The following CNTNAP2 variants were observed in gnomAD, a reference collection of about 807,000 sequenced individuals.
CNTNAP2 encodes the protein contactin-associated protein-like 2.
In CNTNAP2, 98 loss-of-function variants were observed where a neutral mutation model predicts 155.2. The observed-to-expected ratio is 0.63, with a 90% CI of 0.54 to 0.75. The LOEUF is 0.75. Among genes scored for constraint, CNTNAP2 ranks in the 30% least tolerant of loss-of-function variants. The pLI, the probability that CNTNAP2 is intolerant of heterozygous loss-of-function variation, is 0.00. For missense variants in CNTNAP2, 1,727 were observed against 1,688.1 expected, an observed-to-expected ratio of 1.02 and a Z score of -0.40; for synonymous variants, 651 against 631.2, an observed-to-expected ratio of 1.03 and a Z score of -0.47.
At chr7:146,743,862 T>G (rs1801761866) in intron 1 of CNTNAP2, among the ~76,000 whole-genome samples, 1 of 152,162 alleles carries the variant, frequency 6.6e-6, no homozygotes, top group South Asian at 2.1e-4. Flanking sequence ...GTTTATTGCT[T>G]AAATTAGAGA....
intron 2 of CNTNAP2, among the ~76,000 whole-genome samples, chr7:146,798,392 A>G (rs543141661): frequency 6.6e-6 from 1 of 152,066 alleles, no homozygotes; most frequent in Non-Finnish European, 1.5e-5. Context: ...CCCAAGCTGG[A>G]GTGCAGTGGT....
At chr7:146,357,202 C>T (rs142328112) in intron 1 of CNTNAP2, among the ~76,000 whole-genome samples, 4 of 143,530 alleles carry the variant, frequency 2.8e-5, no homozygotes, top group African/African-American at 7.8e-5. Context: ...TTTCCCAAAG[C>T]GCTTGGCCCT....
At chr7:146,928,185 G>A (rs957557073) in intron 3 of CNTNAP2, among the ~76,000 whole-genome samples, 1 of 152,002 alleles carries the variant, frequency 6.6e-6, no homozygotes, top group Admixed American at 6.6e-5. Flanking sequence ...AAGTAAACAA[G>A]TGTCCAAAAG....
At chr7:148,028,504 A>G (rs1412031965) in intron 15 of CNTNAP2, among the ~76,000 whole-genome samples, 3 of 152,194 alleles carry the variant, frequency 2.0e-5, no homozygotes, top group Admixed American at 6.5e-5. Context: ...TGAGTCCGGG[A>G]GGTCAAGGCT....
chr7:147,517,425 A>C (rs550487726), intron 11 of CNTNAP2, among the ~76,000 whole-genome samples: 1 of 152,210 alleles, frequency 6.6e-6, no homozygotes, highest in Non-Finnish European at 1.5e-5. Flanking sequence ...ACTTGGAAAG[A>C]AACATCCGAA....
intron 21 of CNTNAP2, among the ~76,000 whole-genome samples, chr7:148,365,358 C>CA (rs1798717381): frequency 6.6e-6 from 1 of 152,098 alleles, no homozygotes; most frequent in Admixed American, 6.6e-5. Flanking sequence ...TTAATTCAGT[C>CA]AAAAAATAAT....
intron 4 of CNTNAP2, among the ~76,000 whole-genome samples, chr7:147,061,238 T>C (rs1388720838): frequency 6.6e-6 from 1 of 152,196 alleles, no homozygotes; most frequent in Non-Finnish European, 1.5e-5. Context: ...CATTGAACAC[T>C]TACAAATTTG....
chr7:147,568,853 G>A (rs140378239), intron 12 of CNTNAP2, among the ~76,000 whole-genome samples: 11 of 151,952 alleles, frequency 7.2e-5, no homozygotes, highest in African/African-American at 9.7e-5. Context: ...AATAATGCTC[G>A]ATCCAGCCAT....
At chr7:146,663,371 A>AT (rs971306474) in intron 1 of CNTNAP2, among the ~76,000 whole-genome samples, 1,614 of 147,814 alleles carry the variant, frequency 0.011, 17 homozygotes, top group African/African-American at 0.03. Flanking sequence ...TCACTTTCTC[A>AT]TTTTTTTTTT....
chr7:146,498,841 G>A (rs561667048), intron 1 of CNTNAP2, among the ~76,000 whole-genome samples: 4 of 152,210 alleles, frequency 2.6e-5, no homozygotes, highest in African/African-American at 9.6e-5. Context: ...ATTTCCAAAA[G>A]CATGGGTGCT....
intron 11 of CNTNAP2, among the ~76,000 whole-genome samples, chr7:147,529,635 GGGAATCAA>G (rs1390350934): frequency 6.6e-6 from 1 of 152,088 alleles, no homozygotes; most frequent in Non-Finnish European, 1.5e-5. Context: ...GCAGAGGCCA[GGGAATCAA>G]GGACGTTGAG....
intron 2 of CNTNAP2, among the ~76,000 whole-genome samples, chr7:146,783,204 T>C (rs1314460389): frequency 6.6e-6 from 1 of 152,178 alleles, no homozygotes; most frequent in African/African-American, 2.4e-5. Flanking sequence ...ATATATCTTA[T>C]AGAAACTAAC....
At chr7:146,470,067 C>G (rs1043149838) in intron 1 of CNTNAP2, among the ~76,000 whole-genome samples, 1 of 150,458 alleles carries the variant, frequency 6.6e-6, no homozygotes, top group African/African-American at 2.4e-5. Flanking sequence ...TCTCGATCTC[C>G]TGACCTCGTG....
intron 15 of CNTNAP2, among the ~76,000 whole-genome samples, chr7:148,081,369 T>A (rs1185814756): frequency 6.6e-6 from 1 of 152,028 alleles, no homozygotes; most frequent in East Asian, 1.9e-4. Context: ...AACATTTGAG[T>A]CCGTGGGCTG....
chr7:147,469,519 T>G (rs1434540687), intron 10 of CNTNAP2, among the ~76,000 whole-genome samples: 3 of 79,816 alleles, frequency 3.8e-5, no homozygotes, highest in African/African-American at 1.8e-4. Context: ...TTTTTTTTTT[T>G]TTTTTTTTTT....
chr7:146,316,932 C>T (rs1252920631), intron 1 of CNTNAP2, among the ~76,000 whole-genome samples: 1 of 149,694 alleles, frequency 6.7e-6, no homozygotes, highest in Non-Finnish European at 1.5e-5. Flanking sequence ...GGGCCTTGTT[C>T]AATGGGGATT....
chr7:147,358,984 T>C (rs1263311611), intron 9 of CNTNAP2, among the ~76,000 whole-genome samples: 3 of 152,178 alleles, frequency 2.0e-5, no homozygotes, highest in Non-Finnish European at 4.4e-5. Flanking sequence ...TTAAGACCAT[T>C]AGGCACATCT....
chr7:146,709,274 G>A lies in CNTNAP2; in HGVS notation c.98-64997G>A, dbSNP rs1213358462. Among the ~76,000 whole-genome samples the A allele has an allele frequency of 2.6e-5, 4 of 152,108 alleles. No homozygotes were observed. In the East Asian group the frequency reaches 7.7e-4, roughly 29 times the overall value. On this transcript the variant is annotated intron_variant, in intron 1 of 23. Coordinates refer to ENST00000361727, the MANE Select transcript of CNTNAP2 (RefSeq NM_014141.6). ...AACTCACTAGTAGCAGAACTGGGTCGTGTTTATGAACTTTTCTCTTCACTG... is the reference window on the plus strand; with the variant it reads ...AACTCACTAGTAGCAGAACTGGGTCATGTTTATGAACTTTTCTCTTCACTG...
chr7:147,265,621 C>T (rs560348772), intron 8 of CNTNAP2, among the ~76,000 whole-genome samples: 1 of 152,306 alleles, frequency 6.6e-6, no homozygotes, highest in African/African-American at 2.4e-5. Context: ...GAGTGGGTTT[C>T]CCCCGAGCAC....
Sources: gnomAD v4.1 joint callset for allele counts (sites outside exome capture counted in the v4.1 genomes callset) on GRCh38, gnomAD v4.1.1 for gene constraint, MANE v1.5 for transcripts, NCBI Gene and HGNC (gene_info 2026-07-23, HGNC 2026-07-21) for gene names.